The following GTPBP10 variants were observed in gnomAD, a reference collection of about 807,000 sequenced individuals.
The protein encoded by GTPBP10 is GTP-binding protein 10.
A neutral mutation model predicts 44.8 loss-of-function variants in GTPBP10; 38 were observed. The observed-to-expected ratio is 0.85, with a 90% confidence interval of 0.65 to 1.11. GTPBP10 has a LOEUF of 1.11. GTPBP10 is among the 50% of genes most tolerant of loss of function. The pLI is 0.00. For missense variants in GTPBP10, 462 were observed against 453.7 expected (o/e 1.02, Z -0.17); for synonymous variants, 152 against 150.6 (o/e 1.01, Z -0.07).
At position 90,387,816 on chromosome 7, in the gene GTPBP10, T is replaced by TTATAGTGATCACAGTGACCAGG. The variant is rs1405147802; in HGVS notation, c.*2664_*2685dup. The TTATAGTGATCACAGTGACCAGG allele has an allele frequency of 6.6e-6, 1 of 152,228 alleles. No individual in the cohort carries two copies. The highest frequency in any genetic ancestry group is 1.5e-5 in the Non-Finnish European group (1 of 68,042). 9.4% of individuals were successfully genotyped at this position (152,228 alleles called of 1,614,324 possible). ...AAGAGTGAGGAAAAGCGTTTGGAAT[T>TTATAGTGATCACAGTGACCAGG]TATAGTGATCACAGTGACCAGGTTT... is the stretch of plus-strand genomic sequence containing the variant. On this transcript the variant is annotated 3_prime_UTR_variant, in exon 10 of 10. Transcript: ENST00000222511.
At chr7:90,355,002 G>T in intron 3 of GTPBP10, 84 bp from the exon 4 acceptor site, 1 of 822,106 alleles carries the variant, frequency 1.2e-6, no homozygotes, top group South Asian at 2.6e-5. Context: ...GCATTTCTTT[G>T]CCTGTATTTC....
chr7:90,346,725 C>A lies in GTPBP10; in HGVS notation c.-17C>A. On this transcript the variant is annotated 5_prime_UTR_variant, in exon 1 of 10. Coordinates refer to ENST00000222511, the MANE Select transcript of GTPBP10 (RefSeq NM_033107.4). ...TTGTGCCGCTTCCGCAAGAAGGTTT[C>A]CTGGCCTGTTGCAGCCATGGTGCAT... 2 of 1,614,236 alleles carry A rather than the reference C, an allele frequency of 1.2e-6. No homozygotes were observed. The highest frequency in any genetic ancestry group is 1.7e-6 in the Non-Finnish European group (2 of 1,180,028).
intron 4 of GTPBP10, among the ~76,000 whole-genome samples, chr7:90,359,209 A>G (rs1795965223): frequency 1.3e-5 from 2 of 152,062 alleles, no homozygotes; most frequent in Non-Finnish European, 1.5e-5. Context: ...GCTTTCTTAC[A>G]TAGGTATACA....
Position 90,388,761 on chromosome 7 carries a change from G to T in GTPBP10, c.*3607G>T, listed in dbSNP as rs1232772905. 1 of 152,160 alleles carries T rather than the reference G, an allele frequency of 6.6e-6. No individual in the cohort carries two copies. The highest frequency in any genetic ancestry group is 1.5e-5 in the Non-Finnish European group (1 of 68,012). The allele number at this position is 152,160 out of a possible 1,614,324, so 9.4% of individuals were successfully genotyped here. A position where few individuals can be genotyped will look rare whatever the true frequency, so the allele number is the denominator to read the frequency against. ...ATTTGCTTTGCAAGGATGAAGGTTA[G>T]AGATTCCTTTCAGTAGTTAATGAAA... On this transcript the variant is annotated 3_prime_UTR_variant, in exon 10 of 10. Transcript: ENST00000222511.
chr7:90,351,357 ATTGT>A (rs1466782451), intron 1 of GTPBP10, among the ~76,000 whole-genome samples: 1 of 152,152 alleles, frequency 6.6e-6, no homozygotes, highest in East Asian at 1.9e-4. Context: ...AGGCAAGAGG[ATTGT>A]TTGTGGCCAG....
At chr7:90,362,707 T>G (rs1458584977) in intron 4 of GTPBP10, among the ~76,000 whole-genome samples, 2 of 152,218 alleles carry the variant, frequency 1.3e-5, no homozygotes, top group African/African-American at 2.4e-5. Context: ...TCTGTCTTGT[T>G]GATCTGTCTA....
At chr7:90,361,391 C>G (rs1187655717) in intron 4 of GTPBP10, among the ~76,000 whole-genome samples, 4 of 141,408 alleles carry the variant, frequency 2.8e-5, no homozygotes, top group Non-Finnish European at 6.1e-5. Context: ...TTGAGATAAT[C>G]ATGTGGTTTT....
chr7:90,376,927 T>C (rs1259847582), intron 6 of GTPBP10, among the ~76,000 whole-genome samples: 1 of 152,190 alleles, frequency 6.6e-6, no homozygotes, highest in Non-Finnish European at 1.5e-5. Flanking sequence ...AAATTATAAA[T>C]AAATTTTAAA....
Position 90,386,299 on chromosome 7 carries a change from A to G in GTPBP10, c.*1145A>G, listed in dbSNP as rs969906172. 1.6e-4 allele frequency: 24 copies of G among 152,234 alleles called. No individual in the cohort carries two copies. Among genetic ancestry groups the G allele is most frequent in the African/African-American group, 5.3e-4 (22 of 41,554 alleles). 9.4% of individuals were successfully genotyped at this position (152,234 alleles called of 1,614,324 possible). A position where few individuals can be genotyped will look rare whatever the true frequency, so the allele number is the denominator to read the frequency against. Reference sequence around the variant, plus strand: ...AGTTATCTTTTGTGGAGACCTTAAAACCCTAAATTTGAATACATGTTCAAT... The same window carrying G: ...AGTTATCTTTTGTGGAGACCTTAAAGCCCTAAATTTGAATACATGTTCAAT... On this transcript the variant is annotated 3_prime_UTR_variant, in exon 10 of 10. Coordinates refer to ENST00000222511, the MANE Select transcript of GTPBP10 (RefSeq NM_033107.4).
At chr7:90,367,137 C>G (rs1796149659) in intron 4 of GTPBP10, among the ~76,000 whole-genome samples, 1 of 152,224 alleles carries the variant, frequency 6.6e-6, no homozygotes, top group Admixed American at 6.5e-5. Context: ...TTTGATTGCA[C>G]TGTGGTCTGA....
At chr7:90,371,761 A>G (rs778893896) in intron 4 of GTPBP10, among the ~76,000 whole-genome samples, 2 of 152,202 alleles carry the variant, frequency 1.3e-5, no homozygotes, top group Non-Finnish European at 2.9e-5. Flanking sequence ...CTACTTTTGT[A>G]TATGTTTGAA....
At position 90,386,503 on chromosome 7, in the gene GTPBP10, TC is replaced by T. The variant is rs1650280369; in HGVS notation, c.*1352del. 1 of 152,196 alleles carries T rather than the reference TC, an allele frequency of 6.6e-6. No individual in the cohort carries two copies. Among genetic ancestry groups the T allele is most frequent in the South Asian group, 2.1e-4 (1 of 4,834 alleles). 9.4% of individuals were successfully genotyped at this position (152,196 alleles called of 1,614,324 possible). ...TTCTTTTGTCATAATCTATTTAATT[TC>T]CCACTTTCTTATTTTAGTAAAGAGA... On this transcript the variant is annotated 3_prime_UTR_variant, in exon 10 of 10. Transcript: ENST00000222511.
At chr7:90,359,550 A>G (rs879338347) in intron 4 of GTPBP10, among the ~76,000 whole-genome samples, 3 of 152,212 alleles carry the variant, frequency 2.0e-5, no homozygotes, top group Non-Finnish European at 1.5e-5. Flanking sequence ...ATTGATGGAC[A>G]TTTGGGTTGG....
At position 90,386,864 on chromosome 7, in the gene GTPBP10, A is replaced by G. The variant is rs961223740; in HGVS notation, c.*1710A>G. On this transcript the variant is annotated 3_prime_UTR_variant, in exon 10 of 10. Coordinates refer to ENST00000222511, the MANE Select transcript of GTPBP10 (RefSeq NM_033107.4). ...AAAAATTCAAATAGTACAAAAGCAT[A>G]TAAGTAACTAATAAAAGCTCCCTTT... is the stretch of plus-strand genomic sequence containing the variant. 2.0e-5 allele frequency: 3 copies of G among 152,236 alleles called. No homozygotes were observed. The highest frequency in any genetic ancestry group is 1.9e-4 in the East Asian group (1 of 5,204). The allele number at this position is 152,236 out of a possible 1,614,324, so 9.4% of individuals were successfully genotyped here.
At position 90,371,531 on chromosome 7, in the gene GTPBP10, ACT is replaced by A. The variant is rs564937030; in HGVS notation, c.465-621_465-620del. On this transcript the variant is annotated intron_variant, in intron 4 of 9. Coordinates refer to ENST00000222511, the MANE Select transcript of GTPBP10 (RefSeq NM_033107.4). The stretch of plus-strand genomic sequence containing the variant: ...GAAAAATGAAGACTTTGGAAAAGAA[ACT>A]CTGTAGGACAACTGACCCAGTTTCT... Among the ~76,000 whole-genome samples the A allele has an allele frequency of 1.8e-4, 28 of 152,324 alleles. No individual in the cohort carries two copies. In the South Asian group the frequency reaches 5.0e-3, roughly 27 times the overall value.
In GTPBP10 at chr7:90,372,184, T is replaced by C; in HGVS notation, c.494T>C (p.Leu165Pro). 1 of 1,607,678 alleles carries C rather than the reference T, an allele frequency of 6.2e-7. No individual in the cohort carries two copies. The highest frequency in any genetic ancestry group is 8.5e-7 in the Non-Finnish European group (1 of 1,176,516). The change falls in exon 5 of 10, where the codon CTA becomes CCA. Residue 165 changes from leucine to proline, a missense_variant. By Grantham distance (98) the Leu-to-Pro change is moderately conservative (BLOSUM62 -3). Transcript: ENST00000222511. ...GFPNAGKSSL[L>P]SCVSHAKPAI... ...CCAAATGCTGGAAAATCCTCTTTGC[T>C]AAGTTGTGTTTCTCATGCAAAACCT...
chr7:90,354,154 G>A (rs1795848300), intron 2 of GTPBP10, among the ~76,000 whole-genome samples: 1 of 151,960 alleles, frequency 6.6e-6, no homozygotes. Flanking sequence ...TATTTGTATT[G>A]TAGCAATAAT....
chr7:90,359,495 C>T (rs1459787838), intron 4 of GTPBP10, among the ~76,000 whole-genome samples: 1 of 152,132 alleles, frequency 6.6e-6, no homozygotes, highest in Admixed American at 6.6e-5. Flanking sequence ...GGCTGCATAC[C>T]ATTCCATGAT....
Position 90,359,658 on chromosome 7 carries a change from G to A in GTPBP10, c.464+4428G>A, listed in dbSNP as rs558769593. 3.3e-5 allele frequency among the ~76,000 whole-genome samples: 5 copies of A among 152,342 alleles called. No individual in the cohort carries two copies. In the South Asian group the frequency reaches 1.0e-3, roughly 32 times the overall value. On this transcript the variant is annotated intron_variant, in intron 4 of 9. Coordinates refer to ENST00000222511, the MANE Select transcript of GTPBP10 (RefSeq NM_033107.4). ...TTATAATCGTTCGGGTATGTACCCA[G>A]TAATGGGATGGCTGGGTCAAATGGT...
Sources: gnomAD v4.1 joint callset for allele counts (sites outside exome capture counted in the v4.1 genomes callset) on GRCh38, gnomAD v4.1.1 for gene constraint, MANE v1.5 for transcripts, NCBI Gene and HGNC (gene_info 2026-07-23, HGNC 2026-07-21) for gene names.